PPM1H: variants seen among roughly 807,000 people sequenced by gnomAD.
PPM1H encodes protein phosphatase, Mg2+/Mn2+ dependent 1H, also known as protein phosphatase 1H.
In PPM1H, 27 loss-of-function variants were observed where a neutral mutation model predicts 54.9. That is an observed-to-expected ratio of 0.49 (90% CI 0.36 to 0.68). The LOEUF is 0.68. Ranked by LOEUF, PPM1H falls within the 30% of genes least tolerant of loss-of-function variation. The pLI is 0.00. For missense variants in PPM1H, 596 were observed against 667.8 expected, an observed-to-expected ratio of 0.89 and a Z score of 1.19; for synonymous variants, 305 against 270.8, an observed-to-expected ratio of 1.13 and a Z score of -1.24.
chr12:62,906,762 G>T (rs913214027), intron 1 of PPM1H, among the ~76,000 whole-genome samples: 4 of 152,196 alleles, frequency 2.6e-5, no homozygotes, highest in African/African-American at 9.6e-5. Context: ...CAGTTGATAA[G>T]AGTTCTTCCG....
intron 1 of PPM1H, among the ~76,000 whole-genome samples, chr12:62,885,031 G>A (rs371246154): frequency 3.3e-4 from 50 of 152,110 alleles, no homozygotes; most frequent in African/African-American, 1.0e-3. Flanking sequence ...GAATCATGGC[G>A]GGAGGTGAAA....
intron 4 of PPM1H, among the ~76,000 whole-genome samples, chr12:62,746,528 T>A (rs1216439600): frequency 1.3e-5 from 2 of 151,534 alleles, no homozygotes; most frequent in African/African-American, 4.9e-5. Flanking sequence ...CACCCAGGAG[T>A]ATGGAGGTAG....
chr12:62,777,801 C>T (rs2076620036), intron 4 of PPM1H, among the ~76,000 whole-genome samples: 1 of 152,174 alleles, frequency 6.6e-6, no homozygotes, highest in South Asian at 2.1e-4. Context: ...GTTAAAACAT[C>T]AGTATAGTCA....
At chr12:62,679,449 A>C (rs1285116469) in intron 8 of PPM1H, among the ~76,000 whole-genome samples, 2 of 152,220 alleles carry the variant, frequency 1.3e-5, no homozygotes, top group African/African-American at 2.4e-5. Context: ...AAAGCTGTCA[A>C]ATATGAATGC....
chr12:62,739,851 G>C (rs2076372191), intron 4 of PPM1H, among the ~76,000 whole-genome samples: 1 of 152,202 alleles, frequency 6.6e-6, no homozygotes, highest in South Asian at 2.1e-4. Context: ...AGTCACACGG[G>C]GTAGATTTTA....
intron 1 of PPM1H, among the ~76,000 whole-genome samples, chr12:62,898,002 A>C (rs1195838204): frequency 6.6e-6 from 1 of 152,166 alleles, no homozygotes; most frequent in Non-Finnish European, 1.5e-5. Flanking sequence ...CCTTAGCCTA[A>C]AGAAGCCAGG....
intron 1 of PPM1H, among the ~76,000 whole-genome samples, chr12:62,859,100 C>G (rs1380064114): frequency 6.6e-6 from 1 of 152,122 alleles, no homozygotes; most frequent in African/African-American, 2.4e-5. Flanking sequence ...ATTCTATAAC[C>G]ATATACATTG....
chr12:62,707,334 G>T (rs2076181687), intron 6 of PPM1H, among the ~76,000 whole-genome samples: 1 of 152,142 alleles, frequency 6.6e-6, no homozygotes, highest in South Asian at 2.1e-4. Flanking sequence ...CAGTCTACTG[G>T]CACCTTATGA....
chr12:62,863,693 C>A (rs968659470), intron 1 of PPM1H, among the ~76,000 whole-genome samples: 1 of 152,084 alleles, frequency 6.6e-6, no homozygotes, highest in Non-Finnish European at 1.5e-5. Flanking sequence ...TACACCGTAC[C>A]ATCAAGGTGA....
intron 8 of PPM1H, among the ~76,000 whole-genome samples, chr12:62,675,043 T>A (rs1029154646): frequency 6.6e-6 from 1 of 152,218 alleles, no homozygotes; most frequent in Admixed American, 6.5e-5. Flanking sequence ...GGGCTGCAAG[T>A]GAATCCAGTG....
chr12:62,921,465 C>T (rs775711403), intron 1 of PPM1H, among the ~76,000 whole-genome samples: 109 of 152,242 alleles, frequency 7.2e-4, no homozygotes, highest in Non-Finnish European at 4.3e-4. Context: ...TCCAGCAAGG[C>T]TCCATTAGGC....
At chr12:62,871,583 T>C (rs935565325) in intron 1 of PPM1H, among the ~76,000 whole-genome samples, 1 of 150,810 alleles carries the variant, frequency 6.6e-6, no homozygotes, top group Non-Finnish European at 1.5e-5. Context: ...GGTGCCATCT[T>C]GGCTCACTGC....
At chr12:62,865,395 G>GTC (rs1869740440) in intron 1 of PPM1H, among the ~76,000 whole-genome samples, 1 of 152,020 alleles carries the variant, frequency 6.6e-6, no homozygotes. Context: ...CCCCTCCTCT[G>GTC]TCTCTCTAGT....
intron 6 of PPM1H, among the ~76,000 whole-genome samples, chr12:62,696,397 G>A (rs1465297119): frequency 6.6e-6 from 1 of 152,190 alleles, no homozygotes; most frequent in Non-Finnish European, 1.5e-5. Flanking sequence ...TGCCCCGCCA[G>A]TGTTGGTTTT....
At chr12:62,816,434 A>G (rs755500190) in intron 2 of PPM1H, among the ~76,000 whole-genome samples, 5 of 152,230 alleles carry the variant, frequency 3.3e-5, no homozygotes, top group Non-Finnish European at 7.3e-5. Flanking sequence ...CAGGCACACT[A>G]CATTTGGTTT....
intron 4 of PPM1H, among the ~76,000 whole-genome samples, chr12:62,760,789 G>A (rs898189158): frequency 6.6e-6 from 1 of 152,166 alleles, no homozygotes. Flanking sequence ...AATGACTAAA[G>A]AAAAATAACT....
In PPM1H at chr12:62,767,397, G is replaced by A. The variant is rs377717018; in HGVS notation, c.869+20829C>T. Among the ~76,000 whole-genome samples, 310 of 152,266 alleles carry A rather than the reference G, an allele frequency of 2.0e-3. 2 individuals are homozygous for A. The highest frequency in any genetic ancestry group is 7.0e-3 in the African/African-American group (291 of 41,558). ...AGATTGTTTCAAGAGGAGTTGGTGC[G>A]TACTTATGGTAGCTGCCTTTAACCT... On this transcript the variant is annotated intron_variant, in intron 4 of 9. Coordinates refer to ENST00000228705, the MANE Select transcript of PPM1H (RefSeq NM_020700.2).
At chr12:62,680,248 CCCTCTTT>C (rs1187451500) in intron 8 of PPM1H, among the ~76,000 whole-genome samples, 3 of 151,596 alleles carry the variant, frequency 2.0e-5, no homozygotes, top group South Asian at 2.1e-4. Flanking sequence ...CTTTCTCTTT[CCCTCTTT>C]CCTCTTTCCC....
intron 1 of PPM1H, among the ~76,000 whole-genome samples, chr12:62,882,321 C>A (rs980621697): frequency 4.6e-5 from 7 of 152,246 alleles, no homozygotes; most frequent in African/African-American, 1.2e-4. Context: ...AGTAGCTACG[C>A]AAAGTCTATC....
Sources: allele counts gnomAD v4.1 joint callset (sites outside exome capture counted in the v4.1 genomes callset), GRCh38; gene constraint gnomAD v4.1.1; transcripts MANE v1.5; gene names NCBI Gene and HGNC (gene_info 2026-07-23, HGNC 2026-07-21).